The following UGT1A5 variants were observed in gnomAD, a reference collection of about 807,000 sequenced individuals.
UGT1A5 encodes UDP-glucuronosyltransferase 1A5.
UGT1A5 carries 29 observed loss-of-function variants against 40.3 expected under a neutral mutation model. The ratio of observed to expected loss-of-function variants is 0.72; its 90% CI spans 0.54 to 0.98. UGT1A5 has a LOEUF of 0.98. UGT1A5 is among the 50% of genes least tolerant of loss of function. The pLI, the probability that UGT1A5 is intolerant of heterozygous loss-of-function variation, is 0.00. For missense variants in UGT1A5, 678 were observed against 677.9 expected (o/e 1.00, Z 0.00); for synonymous variants, 257 against 262.5 (o/e 0.98, Z 0.20).
chr2:233,762,954 A>G (rs1248639717), intron 1 of UGT1A5, among the ~76,000 whole-genome samples: 1 of 152,252 alleles, frequency 6.6e-6, no homozygotes, highest in Admixed American at 6.5e-5. Context: ...TTCTGGCAAT[A>G]GGAAAGATGC....
Position 233,713,229 on chromosome 2 carries a change from T to A in UGT1A5, c.238T>A (p.Tyr80Asn). 1 of 1,614,268 alleles carries A rather than the reference T, an allele frequency of 6.2e-7. No individual in the cohort carries two copies. Among genetic ancestry groups the A allele is most frequent in the East Asian group, 2.2e-5 (1 of 44,892 alleles). The change falls in exon 1 of 5, where the codon TAT becomes AAT. Residue 80 changes from tyrosine to asparagine, a missense_variant. Tyr to Asn is a moderately radical substitution (Grantham distance 143, BLOSUM62 -2). Coordinates refer to ENST00000373414, the MANE Select transcript of UGT1A5 (RefSeq NM_019078.2). ...AGAGAACTTTTTCACCCTGACAACG[T>A]ATGCCATTTCATGGACCCAGGACGA... ...KEENFFTLTT[Y>N]AISWTQDEFD...
At chr2:233,761,199 A>G (rs767135825) in intron 1 of UGT1A5, 6 of 1,614,054 alleles carry the variant, frequency 3.7e-6, no homozygotes, top group Admixed American at 1.7e-5. Flanking sequence ...TTTCAGATGT[A>G]TTACTTTGGA....
intron 1 of UGT1A5, among the ~76,000 whole-genome samples, chr2:233,724,174 C>A (rs2077183841): frequency 8.0e-6 from 1 of 125,722 alleles, no homozygotes; most frequent in South Asian, 2.8e-4. Flanking sequence ...ACCCCCCCAT[C>A]TCCCTCCCGG....
intron 1 of UGT1A5, among the ~76,000 whole-genome samples, chr2:233,746,736 T>A (rs1693464828): frequency 6.6e-6 from 1 of 151,854 alleles, no homozygotes; most frequent in African/African-American, 2.4e-5. Flanking sequence ...GATTCTGCTT[T>A]GGTTCCAAAG....
At chr2:233,729,952 A>T in intron 1 of UGT1A5, 1 of 1,614,072 alleles carries the variant, frequency 6.2e-7, no homozygotes, top group South Asian at 1.1e-5. Context: ...CATGGTCTTC[A>T]TTGGGGGCAT....
intron 1 of UGT1A5, chr2:233,718,669 A>C (rs2076673773): frequency 1.3e-6 from 2 of 1,549,114 alleles, no homozygotes. Context: ...TTATAGATTA[A>C]TGGGTAATAA....
At chr2:233,757,306 AGGGG>A in intron 1 of UGT1A5, among the ~76,000 whole-genome samples, 1 of 7,688 alleles carries the variant, frequency 1.3e-4, no homozygotes. Flanking sequence ...GTTGGGGGAC[AGGGG>A]GGCTGGGGCC....
chr2:233,729,145 G>A (rs564123639), intron 1 of UGT1A5: 2 of 1,613,490 alleles, frequency 1.2e-6, no homozygotes, highest in African/African-American at 1.3e-5. Flanking sequence ...AGGACTCCAG[G>A]TTCCCCTGCC....
In UGT1A5 at chr2:233,752,049, A is replaced by C. The variant is rs1694880379; in HGVS notation, c.868-14985A>C. On this transcript the variant is annotated intron_variant, in intron 1 of 4. Transcript: ENST00000373414. ...TCCTAGAAAGGTAAGCTGTTGTGTG[A>C]ATGATTTCCCGAGATGGGGAAGTCT... Among the ~76,000 whole-genome samples the C allele has an allele frequency of 2.0e-5, 3 of 152,224 alleles. 1 individual carries two copies. The highest frequency in any genetic ancestry group is 7.2e-5 in the African/African-American group (3 of 41,440).
At chr2:233,738,879 G>A (rs1446343091) in intron 1 of UGT1A5, 1 of 152,238 alleles carries the variant, frequency 6.6e-6, no homozygotes, top group Admixed American at 6.5e-5. Context: ...TCCAGGGCAT[G>A]TCAGAGACCT....
Position 233,763,798 on chromosome 2 carries a change from A to G in UGT1A5, c.868-3236A>G, listed in dbSNP as rs551390932. ...GAACAACATTGGGAGAAAAGGAATG[A>G]AACTCAAGAATTCCAAGATGTTCCT... On this transcript the variant is annotated intron_variant, in intron 1 of 4. Coordinates refer to ENST00000373414, the MANE Select transcript of UGT1A5 (RefSeq NM_019078.2). Among the ~76,000 whole-genome samples, 8 of 152,368 alleles carry G rather than the reference A, an allele frequency of 5.3e-5. No individual in the cohort carries two copies. The South Asian group carries it at 1.0e-3, about 20-fold the overall frequency.
In UGT1A5 at chr2:233,760,993, G is replaced by C. The variant is rs367668492; in HGVS notation, c.868-6041G>C. ...TTCCCCGTATGCAACCCTTGCCTCA[G>C]AATTCCTTCAGAGAGAGGTGACTGT... On this transcript the variant is annotated intron_variant, in intron 1 of 4. Coordinates refer to ENST00000373414, the MANE Select transcript of UGT1A5 (RefSeq NM_019078.2). The C allele has an allele frequency of 4.5e-5, 73 of 1,614,036 alleles. No homozygotes were observed. Among genetic ancestry groups the C allele is most frequent in the South Asian group, 2.0e-4 (18 of 91,074 alleles).
chr2:233,735,687 T>A (rs1251778606), intron 1 of UGT1A5, among the ~76,000 whole-genome samples: 1 of 152,148 alleles, frequency 6.6e-6, no homozygotes, highest in Non-Finnish European at 1.5e-5. Context: ...CTTTAGGAGC[T>A]CTTGTAAGGC....
chr2:233,767,291 C>T (rs1383202700), intron 2 of UGT1A5, 126 bp downstream of exon 2: 1 of 1,553,770 alleles, frequency 6.4e-7, no homozygotes, highest in African/African-American at 1.4e-5. Context: ...CACTTCCCAA[C>T]TATTAATCCA....
intron 1 of UGT1A5, among the ~76,000 whole-genome samples, chr2:233,732,527 T>G (rs920037607): frequency 6.6e-6 from 1 of 152,244 alleles, no homozygotes; most frequent in African/African-American, 2.4e-5. Context: ...TTTCTACATA[T>G]GGCCAGTTTT....
intron 1 of UGT1A5, among the ~76,000 whole-genome samples, chr2:233,735,255 T>C (rs1489550965): frequency 6.6e-6 from 1 of 152,240 alleles, no homozygotes; most frequent in Non-Finnish European, 1.5e-5. Flanking sequence ...ATTGCTCCCT[T>C]TACCATTATG....
intron 1 of UGT1A5, chr2:233,717,976 A>G (rs2076619193): frequency 1.8e-5 from 8 of 446,196 alleles, no homozygotes; most frequent in Middle Eastern, 7.0e-4. Context: ...GGCATTCAGA[A>G]GAGGAATTCA....
chr2:233,727,329 TC>T (rs2077605729), intron 1 of UGT1A5, among the ~76,000 whole-genome samples: 1 of 152,014 alleles, frequency 6.6e-6, no homozygotes, highest in Non-Finnish European at 1.5e-5. Context: ...CACCAGGAGC[TC>T]CTCCCTCCCC....
chr2:233,763,738 G>A (rs1302450820), intron 1 of UGT1A5, among the ~76,000 whole-genome samples: 6 of 152,164 alleles, frequency 3.9e-5, no homozygotes, highest in Non-Finnish European at 8.8e-5. Flanking sequence ...TGGCATTGGC[G>A]TGTCTTTGGT....
Sources: allele counts gnomAD v4.1 joint callset (sites outside exome capture counted in the v4.1 genomes callset), GRCh38; gene constraint gnomAD v4.1.1; transcripts MANE v1.5; gene names NCBI Gene and HGNC (gene_info 2026-07-23, HGNC 2026-07-21).